CNOT6: variants seen among roughly 807,000 people sequenced by gnomAD.
The protein encoded by CNOT6 is carbon catabolite repression 4 protein.
CNOT6 carries 12 observed loss-of-function variants against 61.2 expected under a neutral mutation model. The ratio of observed to expected loss-of-function variants is 0.20; its 90% CI spans 0.13 to 0.32. The LOEUF is 0.32. Among genes scored for constraint, CNOT6 ranks in the 10% least tolerant of loss-of-function variants. The pLI is 1.00. For synonymous variants in CNOT6, 225 were observed against 240.6 expected (o/e 0.94, Z 0.60); for missense variants, 405 against 663.9 (o/e 0.61, Z 4.28).
At chr5:180,525,483 G>A (rs1758059212) in intron 1 of CNOT6, among the ~76,000 whole-genome samples, 1 of 151,172 alleles carries the variant, frequency 6.6e-6, no homozygotes, top group Non-Finnish European at 1.5e-5. Context: ...AGGCTGCAGT[G>A]AGCAGAGATG....
chr5:180,576,117 G>C lies in CNOT6; in HGVS notation c.*1917G>C, dbSNP rs1219558946. ...AAGCTGGTATTGATGTAGAACCAGTGCATAACTTTTTATGGGGTTTTGTTA... is the reference window on the plus strand; with the variant it reads ...AAGCTGGTATTGATGTAGAACCAGTCCATAACTTTTTATGGGGTTTTGTTA... On this transcript the variant is annotated 3_prime_UTR_variant, in exon 12 of 12. Transcript: ENST00000261951. The C allele has an allele frequency of 1.3e-5, 2 of 152,420 alleles. No individual in the cohort carries two copies. 9.4% of individuals were successfully genotyped at this position (152,420 alleles called of 1,614,324 possible).
rs751102228 is a variant in CNOT6, at chr5:180,576,905, A to G, written c.*2705A>G. The stretch of plus-strand genomic sequence containing the variant: ...TCATTTCAGTATTTTTGCTGGATAA[A>G]TCCATTTTAGAAATGTCTTACAAAA... On this transcript the variant is annotated 3_prime_UTR_variant, in exon 12 of 12. Transcript: ENST00000261951. 1 of 152,294 alleles carries G rather than the reference A, an allele frequency of 6.6e-6. No homozygotes were observed. Among genetic ancestry groups the G allele is most frequent in the Admixed American group, 6.5e-5 (1 of 15,294 alleles). 9.4% of individuals were successfully genotyped at this position (152,294 alleles called of 1,614,324 possible).
Position 180,565,869 on chromosome 5 carries a change from C to G in CNOT6, c.609C>G (p.Thr203=). 6.2e-7 allele frequency: 1 copy of G among 1,613,184 alleles called. No homozygotes were observed. The highest frequency in any genetic ancestry group is 8.5e-7 in the Non-Finnish European group (1 of 1,179,376). Residue 203 remains threonine, a synonymous_variant, in exon 7 of 12, where the codon ACC becomes ACG. Transcript: ENST00000261951. ...ATGTTCTTTGTGATAAATATGCGAC[C>G]CGGCAGTTATACGGCTACTGTCCAT... The part of the protein sequence containing the change: ...CYNVLCDKYA[T]RQLYGYCPSW...
chr5:180,544,875 C>T (rs866485981), intron 2 of CNOT6, among the ~76,000 whole-genome samples: 3 of 152,154 alleles, frequency 2.0e-5, no homozygotes, highest in Non-Finnish European at 4.4e-5. Context: ...AGGAGGATCA[C>T]GTGAGCCTAG....
Position 180,576,991 on chromosome 5 carries a change from GC to G in CNOT6, c.*2793del, listed in dbSNP as rs1289374118. On this transcript the variant is annotated 3_prime_UTR_variant, in exon 12 of 12. Transcript: ENST00000261951. ...GTTTGAAGGCACCCAAATCCTTGTC[GC>G]CAATCTCCTGAAGTACAGCTTTACC... is the stretch of plus-strand genomic sequence containing the variant. 4 of 152,356 alleles carry G rather than the reference GC, an allele frequency of 2.6e-5. No individual in the cohort carries two copies. Among genetic ancestry groups the G allele is most frequent in the African/African-American group, 9.7e-5 (4 of 41,394 alleles). 9.4% of individuals were successfully genotyped at this position (152,356 alleles called of 1,614,324 possible).
chr5:180,531,948 C>T (rs140276641), intron 2 of CNOT6, among the ~76,000 whole-genome samples: 4 of 152,334 alleles, frequency 2.6e-5, no homozygotes, highest in East Asian at 1.9e-4. Context: ...AGTCCAGCCT[C>T]GGCTTTCACA....
intron 1 of CNOT6, among the ~76,000 whole-genome samples, chr5:180,526,494 G>C (rs1394140725): frequency 2.0e-5 from 3 of 152,182 alleles, no homozygotes; most frequent in Non-Finnish European, 2.9e-5. Flanking sequence ...CTGTTTCACT[G>C]CGAAAGTCAG....
At chr5:180,518,318 G>T (rs1397332224) in intron 1 of CNOT6, among the ~76,000 whole-genome samples, 2 of 152,008 alleles carry the variant, frequency 1.3e-5, no homozygotes, top group African/African-American at 4.8e-5. Context: ...TACATTTCCT[G>T]CCCATCTTTT....
intron 1 of CNOT6, among the ~76,000 whole-genome samples, chr5:180,497,342 A>AG (rs5873699): frequency 4.0e-5 from 6 of 151,562 alleles, no homozygotes; most frequent in Admixed American, 3.9e-4. Context: ...AAAAAAAAAA[A>AG]GTATGCATTT....
At position 180,541,438 on chromosome 5, in the gene CNOT6, GAA is replaced by G. The variant is rs1260530096; in HGVS notation, c.113-8491_113-8490del. ...GGCATGAACCACCACAACTGGCCAA[GAA>G]ATTTTTTTTTTTTTTTTTTTTTTTT... is the stretch of plus-strand genomic sequence containing the variant. On this transcript the variant is annotated intron_variant, in intron 2 of 11. Transcript: ENST00000261951. 7.9e-4 allele frequency among the ~76,000 whole-genome samples: 43 copies of G among 54,462 alleles called. 3 individuals are homozygous for G. Among genetic ancestry groups the G allele is most frequent in the African/African-American group, 1.9e-3 (34 of 18,244 alleles). 35.7% of individuals were successfully genotyped at this position (54,462 alleles called of 152,430 possible).
At chr5:180,524,447 T>C (rs1455847084) in intron 1 of CNOT6, among the ~76,000 whole-genome samples, 1 of 150,780 alleles carries the variant, frequency 6.6e-6, no homozygotes, top group African/African-American at 2.4e-5. Flanking sequence ...ATTCTAGCCT[T>C]TTTTTTTTAC....
chr5:180,522,285 AT>A (rs1210860941), intron 1 of CNOT6, among the ~76,000 whole-genome samples: 10 of 147,764 alleles, frequency 6.8e-5, no homozygotes, highest in Non-Finnish European at 1.2e-4. Flanking sequence ...TAATTTTTGT[AT>A]TTTTTTTTTG....
intron 1 of CNOT6, among the ~76,000 whole-genome samples, chr5:180,502,496 T>G (rs1037549754): frequency 6.6e-6 from 1 of 152,190 alleles, no homozygotes; most frequent in African/African-American, 2.4e-5. Flanking sequence ...TTTGCACTTA[T>G]GTTGTGCTCC....
chr5:180,568,030 T>C (rs1277051642), intron 9 of CNOT6, 27 bp downstream of exon 9: 4 of 1,582,570 alleles, frequency 2.5e-6, no homozygotes, highest in Non-Finnish European at 3.4e-6. Flanking sequence ...TCCTGTAAAA[T>C]TGACCAGCTC....
intron 10 of CNOT6, among the ~76,000 whole-genome samples, chr5:180,569,733 G>A (rs1760648489): frequency 6.6e-6 from 1 of 152,132 alleles, no homozygotes; most frequent in South Asian, 2.1e-4. Context: ...AATTTTGCAT[G>A]TATTTATAAC....
intron 1 of CNOT6, among the ~76,000 whole-genome samples, chr5:180,522,818 C>T (rs1316803393): frequency 2.0e-5 from 3 of 152,108 alleles, no homozygotes; most frequent in African/African-American, 4.8e-5. Context: ...TGCACCCCTG[C>T]GCTGTTCCTC....
chr5:180,508,928 T>C (rs1050144758), intron 1 of CNOT6, among the ~76,000 whole-genome samples: 3 of 151,696 alleles, frequency 2.0e-5, no homozygotes, highest in African/African-American at 7.3e-5. Context: ...GTTCAAGCAG[T>C]TCTCCTGCCT....
intron 2 of CNOT6, among the ~76,000 whole-genome samples, chr5:180,543,435 T>C (rs1759144013): frequency 6.6e-6 from 1 of 152,236 alleles, no homozygotes; most frequent in Non-Finnish European, 1.5e-5. Context: ...GTTGTGAACA[T>C]AGTTCCACAT....
intron 2 of CNOT6, among the ~76,000 whole-genome samples, chr5:180,546,184 G>A (rs1235141393): frequency 5.9e-5 from 9 of 151,960 alleles, no homozygotes; most frequent in Admixed American, 2.0e-4. Context: ...ATGAGCCACC[G>A]CACCCAGCCC....
Sources: allele counts gnomAD v4.1 joint callset (sites outside exome capture counted in the v4.1 genomes callset), GRCh38; gene constraint gnomAD v4.1.1; transcripts MANE v1.5; gene names NCBI Gene and HGNC (gene_info 2026-07-23, HGNC 2026-07-21).